FGFR2: variants seen among roughly 807,000 people sequenced by gnomAD.
The protein encoded by FGFR2 is fibroblast growth factor receptor 2.
In FGFR2, 19 loss-of-function variants were observed where a neutral mutation model predicts 95.9. That is an observed-to-expected ratio of 0.20 (90% confidence interval 0.14 to 0.29). The LOEUF is 0.29. Among genes scored for constraint, FGFR2 ranks in the 10% least tolerant of loss-of-function variants. FGFR2 has a pLI of 1.00. For synonymous variants in FGFR2, 392 were observed against 393.3 expected (o/e 1.00, Z 0.04); for missense variants, 707 against 1,056.9 (o/e 0.67, Z 4.59).
rs181968412 is a variant in FGFR2 at position 121,562,965 on chromosome 10, C to T, written c.454+1537G>A. ...CTCGAAAAAATAAAGTATTGCCAGGCGCAGTGGCTCACACCTGTAATCCCA... is the reference window on the plus strand; with the variant it reads ...CTCGAAAAAATAAAGTATTGCCAGGTGCAGTGGCTCACACCTGTAATCCCA... On this transcript the variant is annotated intron_variant, in intron 4 of 17. Coordinates refer to ENST00000358487, the MANE Select transcript of FGFR2 (RefSeq NM_000141.5). 9.6e-4 allele frequency among the ~76,000 whole-genome samples: 146 copies of T among 152,294 alleles called. 1 individual carries two copies. Among genetic ancestry groups the T allele is most frequent in the African/African-American group, 3.1e-3 (127 of 41,568 alleles).
chr10:121,551,792 A>C (rs1589957586), intron 4 of FGFR2, among the ~76,000 whole-genome samples: 1 of 152,170 alleles, frequency 6.6e-6, no homozygotes, highest in East Asian at 1.9e-4. Flanking sequence ...AACAACATAT[A>C]CAACTGCGAC....
chr10:121,501,392 T>A lies in FGFR2; in HGVS notation c.1440-445A>T, dbSNP rs553505967. 4.6e-5 allele frequency among the ~76,000 whole-genome samples: 7 copies of A among 152,360 alleles called. No individual in the cohort carries two copies. In the South Asian group the frequency reaches 1.4e-3, roughly 32 times the overall value. On this transcript the variant is annotated intron_variant, in intron 10 of 17. Transcript: ENST00000358487. ...CAATGGATTTTATGGTCACATTCCT[T>A]GCCAAGTTACAGGATATGCCTCTTA...
chr10:121,492,003 G>C (rs1258456941), intron 13 of FGFR2, among the ~76,000 whole-genome samples: 3 of 151,718 alleles, frequency 2.0e-5, no homozygotes, highest in African/African-American at 4.8e-5. Context: ...ACATGGTATG[G>C]TAAAACCCCG....
intron 14 of FGFR2, 101 bp downstream of exon 14, chr10:121,487,890 C>A: frequency 6.7e-7 from 1 of 1,487,516 alleles, no homozygotes; most frequent in Non-Finnish European, 9.3e-7. Context: ...GAATGGGTCC[C>A]CAGCCATCCC....
intron 5 of FGFR2, among the ~76,000 whole-genome samples, chr10:121,548,252 T>C: frequency 2.9e-5 from 1 of 34,460 alleles, no homozygotes; most frequent in Non-Finnish European, 5.4e-5. Flanking sequence ...GGCCTTTTTT[T>C]TTTTTTTTTT....
intron 2 of FGFR2, among the ~76,000 whole-genome samples, chr10:121,578,322 C>CCCTCTA (rs1860260715): frequency 6.6e-6 from 1 of 152,212 alleles, no homozygotes; most frequent in Non-Finnish European, 1.5e-5. Flanking sequence ...GGGCACTGTT[C>CCCTCTA]CCTCTACCTA....
chr10:121,550,301 GACTAAGAGC>G (rs1564970170), intron 5 of FGFR2, among the ~76,000 whole-genome samples: 1 of 152,124 alleles, frequency 6.6e-6, no homozygotes, highest in Non-Finnish European at 1.5e-5. Flanking sequence ...TGCTGGACTG[GACTAAGAGC>G]CCCTTGGAGC....
intron 2 of FGFR2, among the ~76,000 whole-genome samples, chr10:121,573,551 G>A (rs1052510778): frequency 5.3e-5 from 8 of 152,010 alleles, no homozygotes; most frequent in African/African-American, 1.9e-4. Flanking sequence ...TGAAAGAGAG[G>A]GAGAGGGGGA....
chr10:121,591,270 A>G (rs1862607436), intron 2 of FGFR2, among the ~76,000 whole-genome samples: 1 of 152,208 alleles, frequency 6.6e-6, no homozygotes, highest in Non-Finnish European at 1.5e-5. Flanking sequence ...GGCCTCCTCC[A>G]TCCAAAAACA....
intron 2 of FGFR2, among the ~76,000 whole-genome samples, chr10:121,571,521 A>T (rs924816149): frequency 2.0e-5 from 3 of 151,078 alleles, no homozygotes; most frequent in Admixed American, 6.6e-5. Context: ...TGCCCAGCCC[A>T]GTCTCAAACT....
Position 121,538,410 on chromosome 10 carries a change from C to T in FGFR2, c.748+182G>A, listed in dbSNP as rs112819168. The T allele has an allele frequency of 1.1e-3, 1,051 of 962,488 alleles. 1 individual carries two copies. Among genetic ancestry groups the T allele is most frequent in the Non-Finnish European group, 1.6e-3 (961 of 585,376 alleles). 59.6% of individuals were successfully genotyped at this position (962,488 alleles called of 1,614,324 possible). Reference sequence around the variant, plus strand: ...ATGCAAAGCTCATAAACCCTGGCTGCCTGGAAAACAGAATATTGTCAGATG... The same window carrying T: ...ATGCAAAGCTCATAAACCCTGGCTGTCTGGAAAACAGAATATTGTCAGATG... On this transcript the variant is annotated intron_variant, in intron 6 of 17. Transcript: ENST00000358487.
At chr10:121,551,008 C>CA (rs1855313713) in intron 5 of FGFR2, among the ~76,000 whole-genome samples, 2 of 152,034 alleles carry the variant, frequency 1.3e-5, no homozygotes, top group East Asian at 1.9e-4. Flanking sequence ...ATCACGAGGT[C>CA]AGGAGATCAA....
chr10:121,573,618 A>G (rs1859208147), intron 2 of FGFR2, among the ~76,000 whole-genome samples: 1 of 151,728 alleles, frequency 6.6e-6, no homozygotes, highest in Non-Finnish European at 1.5e-5. Flanking sequence ...AGAGGGAGGG[A>G]GAGGAAAGAA....
chr10:121,541,294 T>C (rs898051563), intron 5 of FGFR2, among the ~76,000 whole-genome samples: 21 of 152,208 alleles, frequency 1.4e-4, no homozygotes, highest in African/African-American at 5.1e-4. Flanking sequence ...TTATGAGCTG[T>C]AGCATTTTCC....
rs1349235782 is a variant in FGFR2, at chr10:121,485,318, A to AACGAGATACATCAGGAG, written c.2195+60_2195+76dup. On this transcript the variant is annotated intron_variant, in intron 16 of 17. Transcript: ENST00000358487. The surrounding 1 kb of genome is among the most constrained non-coding windows in gnomAD (Gnocchi z 4.2). ...GTTTAGGAAACCAGGGGCCTTCAAA[A>AACGAGATACATCAGGAG]ACGAGATACATCAGGAGAGGTATTA... 3.3e-4 allele frequency: 521 copies of AACGAGATACATCAGGAG among 1,601,224 alleles called. 1 individual carries two copies. Among genetic ancestry groups the AACGAGATACATCAGGAG allele is most frequent in the Non-Finnish European group, 2.1e-4 (243 of 1,169,632 alleles).
chr10:121,596,865 G>A (rs999625620), intron 1 of FGFR2, among the ~76,000 whole-genome samples: 1 of 152,076 alleles, frequency 6.6e-6, no homozygotes, highest in African/African-American at 2.4e-5. Flanking sequence ...TGACATTCCA[G>A]GGAAAGAGAG....
chr10:121,580,090 C>T (rs1860594726), intron 2 of FGFR2, among the ~76,000 whole-genome samples: 1 of 152,160 alleles, frequency 6.6e-6, no homozygotes, highest in African/African-American at 2.4e-5. Flanking sequence ...TTCCCCCAAG[C>T]CCATAGAGCA....
chr10:121,545,201 T>G (rs1296382357), intron 5 of FGFR2, among the ~76,000 whole-genome samples: 1 of 152,184 alleles, frequency 6.6e-6, no homozygotes, highest in African/African-American at 2.4e-5. Context: ...CAGCATCATA[T>G]CCCCAACTTT....
chr10:121,504,992 C>T (rs1256267597), intron 9 of FGFR2, among the ~76,000 whole-genome samples: 2 of 152,198 alleles, frequency 1.3e-5, no homozygotes, highest in African/African-American at 4.8e-5. Context: ...GATCCATCTC[C>T]AAGCAGGCAA....
Sources: allele counts gnomAD v4.1 joint callset (sites outside exome capture counted in the v4.1 genomes callset), GRCh38; gene constraint gnomAD v4.1.1; non-coding constraint Gnocchi (gnomAD v3.1); transcripts MANE v1.5; gene names NCBI Gene and HGNC (gene_info 2026-07-23, HGNC 2026-07-21).